Variants in RIMS1 observed in about 807,000 individuals in gnomAD.
RIMS1 encodes the protein regulating synaptic membrane exocytosis 1, also known as regulating synaptic membrane exocytosis protein 1.
RIMS1 carries 83 observed loss-of-function variants against 214.1 expected under a neutral mutation model. That is an observed-to-expected ratio of 0.39 (90% confidence interval 0.32 to 0.47). RIMS1 has a LOEUF of 0.47. Among genes scored for constraint, RIMS1 ranks in the 20% least tolerant of loss-of-function variants. The probability of loss-of-function intolerance (pLI) is 0.99; values close to 1 mark genes in which losing one functional copy is unlikely to be tolerated. For missense variants in RIMS1, 2,050 were observed against 2,161.8 expected (o/e 0.95, Z 1.03); for synonymous variants, 793 against 786.8 (o/e 1.01, Z -0.13).
At chr6:72,311,410 T>A (rs1373793866) in intron 27 of RIMS1, among the ~76,000 whole-genome samples, 1 of 152,234 alleles carries the variant, frequency 6.6e-6, no homozygotes, top group Admixed American at 6.5e-5. Flanking sequence ...CAGAATCATG[T>A]TATTAAATAT....
chr6:72,110,538 T>G lies in RIMS1; in HGVS notation c.471+10552T>G, dbSNP rs534115498. On this transcript the variant is annotated intron_variant, in intron 4 of 33. Transcript: ENST00000521978. ...TGGTGTATAAGAATGCTTGTGATTT[T>G]TGTACATTGATTTTGTATCCTGAGA... 1.2e-3 allele frequency among the ~76,000 whole-genome samples: 180 copies of G among 148,098 alleles called. 1 individual carries two copies. The highest frequency in any genetic ancestry group is 3.7e-3 in the African/African-American group (148 of 40,406).
chr6:72,354,967 G>A (rs928963541), intron 29 of RIMS1, among the ~76,000 whole-genome samples: 3 of 152,058 alleles, frequency 2.0e-5, no homozygotes, highest in African/African-American at 7.2e-5. Flanking sequence ...CGCGAGGAAT[G>A]TTCATAGACC....
rs140954307 is a variant in RIMS1, at chr6:72,194,831, G to A, written c.1678+11682G>A. ...TCTAAAAATTGAGATTAACAACCACGTTTTACAAGTGATTGCCATTCATAC... is the reference window on the plus strand; with the variant it reads ...TCTAAAAATTGAGATTAACAACCACATTTTACAAGTGATTGCCATTCATAC... On this transcript the variant is annotated intron_variant, in intron 6 of 33. Transcript: ENST00000521978. Among the ~76,000 whole-genome samples, 1,092 of 152,194 alleles carry A rather than the reference G, an allele frequency of 7.2e-3. 9 individuals carry two copies. The highest frequency in any genetic ancestry group is 0.017 in the Middle Eastern group (5 of 294).
chr6:72,100,723 C>T (rs2033349926), intron 4 of RIMS1, among the ~76,000 whole-genome samples: 1 of 143,476 alleles, frequency 7.0e-6, no homozygotes, highest in Non-Finnish European at 1.6e-5. Context: ...TTCCTCGCAG[C>T]TCATTAATCT....
intron 1 of RIMS1, 120 bp downstream of exon 1, chr6:71,887,307 A>T: frequency 7.5e-7 from 1 of 1,327,412 alleles, no homozygotes; most frequent in Non-Finnish European, 1.0e-6. Context: ...CTGGGTGCGG[A>T]CGGAGGCGCC....
At chr6:71,907,646 A>G (rs2150546951) in intron 1 of RIMS1, among the ~76,000 whole-genome samples, 1 of 152,264 alleles carries the variant, frequency 6.6e-6, no homozygotes, top group East Asian at 1.9e-4. Context: ...TGTAATAAAA[A>G]TACTCAAAAA....
chr6:72,176,148 T>G (rs941195741), intron 4 of RIMS1, among the ~76,000 whole-genome samples: 1 of 137,240 alleles, frequency 7.3e-6, no homozygotes, highest in East Asian at 1.9e-4. Context: ...ACAGGCCTAC[T>G]TTAGTTTAGA....
Position 72,182,903 on chromosome 6 carries a change from C to G in RIMS1, c.1432C>G (p.Pro478Ala), listed in dbSNP as rs764468029. The G allele has an allele frequency of 1.3e-6, 2 of 1,575,522 alleles. No homozygotes were observed. The highest frequency in any genetic ancestry group is 2.4e-5 in the East Asian group (1 of 42,446). Residue 478 changes from proline to alanine, a missense_variant, in exon 6 of 34, where the codon CCC becomes GCC. Coordinates refer to ENST00000521978, the MANE Select transcript of RIMS1 (RefSeq NM_014989.7). ...EPLRKQSRLD[P>A]SSAVLMRKAK... is the part of the protein sequence containing the mutation. ...CCTCAGGAAGCAGAGCCGCCTGGAC[C>G]CCAGCTCGGCGGTCCTCATGCGGAA... is the stretch of plus-strand genomic sequence containing the variant.
At chr6:71,898,579 A>T (rs1471232521) in intron 1 of RIMS1, among the ~76,000 whole-genome samples, 1 of 152,156 alleles carries the variant, frequency 6.6e-6, no homozygotes, top group Admixed American at 6.5e-5. Flanking sequence ...TGACTATGTC[A>T]TCCAACACTG....
intron 1 of RIMS1, among the ~76,000 whole-genome samples, chr6:71,926,047 T>C (rs1321263507): frequency 6.6e-6 from 1 of 152,142 alleles, no homozygotes; most frequent in Non-Finnish European, 1.5e-5. Context: ...ACCGTTACTC[T>C]CAAAAGTCAA....
At chr6:72,109,145 G>A (rs886127038) in intron 4 of RIMS1, among the ~76,000 whole-genome samples, 5 of 152,052 alleles carry the variant, frequency 3.3e-5, no homozygotes, top group Non-Finnish European at 2.9e-5. Flanking sequence ...ATTGTGAATA[G>A]TGCCACAATA....
At chr6:72,068,926 T>C (rs1829970274) in intron 2 of RIMS1, among the ~76,000 whole-genome samples, 1 of 151,046 alleles carries the variant, frequency 6.6e-6, no homozygotes, top group East Asian at 2.0e-4. Context: ...AAAAAAAAAT[T>C]TATGAGGTGC....
At chr6:72,006,360 T>C (rs917044027) in intron 2 of RIMS1, among the ~76,000 whole-genome samples, 3 of 152,156 alleles carry the variant, frequency 2.0e-5, no homozygotes, top group Non-Finnish European at 4.4e-5. Flanking sequence ...GGTTCCAAGA[T>C]GGCCAAATAG....
intron 1 of RIMS1, among the ~76,000 whole-genome samples, chr6:71,894,165 C>T (rs1211881): frequency 0.2 from 30,776 of 152,160 alleles, 3,261 homozygotes; most frequent in African/African-American, 0.26. Flanking sequence ...GTATTATCAG[C>T]CAGGCGTGGT....
chr6:72,265,886 C>T, intron 21 of RIMS1, 74 bp from the exon 22 acceptor site: 1 of 1,049,296 alleles, frequency 9.5e-7, no homozygotes, highest in Non-Finnish European at 1.4e-6. Context: ...ATGCTTTACT[C>T]TCTAACATGG....
At chr6:72,117,833 C>T (rs2037389731) in intron 4 of RIMS1, among the ~76,000 whole-genome samples, 1 of 151,658 alleles carries the variant, frequency 6.6e-6, no homozygotes, top group Admixed American at 6.6e-5. Flanking sequence ...TCTGAAATAC[C>T]ACAAATAGAC....
rs781243221 is a variant in RIMS1, at chr6:71,887,162, G to A, written c.139G>A (p.Glu47Lys). The change falls in exon 1 of 34, where the codon GAG becomes AAG. Residue 47 changes from glutamate to lysine, a missense_variant. Transcript: ENST00000521978. Reference protein sequence around the residue: ...MAVMDRQKEEEEKEEAMLKCV... With the variant: ...MAVMDRQKEEKEKEEAMLKCV... The stretch of plus-strand genomic sequence containing the variant: ...AGTGATGGACCGGCAGAAGGAAGAG[G>A]AGGAAAAAGAAGAAGCCATGCTCAA... 2.5e-6 allele frequency: 4 copies of A among 1,611,094 alleles called. No homozygotes were observed. Among genetic ancestry groups the A allele is most frequent in the Non-Finnish European group, 3.4e-6 (4 of 1,178,732 alleles).
intron 2 of RIMS1, among the ~76,000 whole-genome samples, chr6:71,978,781 T>C (rs1797774314): frequency 1.3e-5 from 2 of 152,086 alleles, no homozygotes; most frequent in Admixed American, 1.3e-4. Context: ...GCTATAGTTG[T>C]ATTACCACCT....
intron 2 of RIMS1, among the ~76,000 whole-genome samples, chr6:72,009,590 A>T (rs1256050756): frequency 6.6e-6 from 1 of 152,148 alleles, no homozygotes; most frequent in East Asian, 1.9e-4. Flanking sequence ...AGACTAATAA[A>T]GAAAAAAAGA....
Sources: allele counts gnomAD v4.1 joint callset (sites outside exome capture counted in the v4.1 genomes callset), GRCh38; gene constraint gnomAD v4.1.1; transcripts MANE v1.5; gene names NCBI Gene and HGNC (gene_info 2026-07-23, HGNC 2026-07-21).